The following EIF3E variants were observed in gnomAD, a reference collection of about 807,000 sequenced individuals.
EIF3E encodes eIF-3 p48.
EIF3E carries 25 observed loss-of-function variants against 59.3 expected under a neutral mutation model. The ratio of observed to expected loss-of-function variants is 0.42; its 90% confidence interval spans 0.31 to 0.59. The LOEUF (loss-of-function observed/expected upper bound fraction) is 0.59, where lower values mean the gene tolerates loss of function less well. Ranked by LOEUF, EIF3E falls within the 20% of genes least tolerant of loss-of-function variation. The probability of loss-of-function intolerance (pLI) is 0.15; values close to 1 mark genes in which losing one functional copy is unlikely to be tolerated. For missense variants in EIF3E, 317 were observed against 534.3 expected (o/e 0.59, Z 4.01); for synonymous variants, 176 against 170.2 (o/e 1.03, Z -0.26).
At chr8:108,241,647 T>C (rs986096601) in intron 2 of EIF3E, 152 bp downstream of exon 2, 5 of 437,996 alleles carry the variant, frequency 1.1e-5, no homozygotes, top group Non-Finnish European at 1.2e-5. Context: ...TTTCGGAAGA[T>C]ATGAAACCTT....
rs552836880 is a variant in EIF3E, at chr8:108,201,250, C to CATATATATATATATAT, written c.*619_*634dup. ...AATAAAAAAGGAATTAACTACTGAT[C>CATATATATATATATAT]ATATATATATATATATCTATCTCTC... On this transcript the variant is annotated 3_prime_UTR_variant, in exon 13 of 13. Coordinates refer to ENST00000220849, the MANE Select transcript of EIF3E (RefSeq NM_001568.3). 562 of 122,708 alleles carry CATATATATATATATAT rather than the reference C, an allele frequency of 4.6e-3. 26 individuals carry two copies. The highest frequency in any genetic ancestry group is 0.013 in the African/African-American group (358 of 28,372). The allele number at this position is 122,708 out of a possible 1,614,324, so 7.6% of individuals were successfully genotyped here. A position where few individuals can be genotyped will look rare whatever the true frequency, so the allele number is the denominator to read the frequency against.
At chr8:108,242,072 G>C (rs1336366967) in intron 1 of EIF3E, 159 bp from the exon 2 acceptor site, 12 of 1,391,964 alleles carry the variant, frequency 8.6e-6, no homozygotes, top group South Asian at 1.4e-5. Flanking sequence ...AAGCAATATG[G>C]CAAGCAACCA....
chr8:108,213,553 A>G (rs1815249314), intron 10 of EIF3E, among the ~76,000 whole-genome samples: 1 of 152,194 alleles, frequency 6.6e-6, no homozygotes. Context: ...GGGAAACCAA[A>G]ATACTAACAT....
Position 108,236,295 on chromosome 8 carries a change from T to C in EIF3E, c.324-92A>G, listed in dbSNP as rs1586208095. The C allele has an allele frequency of 6.9e-6, 6 of 866,640 alleles. No individual in the cohort carries two copies. In the East Asian group the frequency reaches 1.6e-4, roughly 23 times the overall value. The allele number at this position is 866,640 out of a possible 1,614,324, so 53.7% of individuals were successfully genotyped here. ...CTTCTAAGTTATTACCTACGCAAAG[T>C]CACCTTAAATAAATACTTAAATGTT... On this transcript the variant is annotated intron_variant, in intron 3 of 12. Transcript: ENST00000220849.
chr8:108,213,835 A>G (rs2129860224), intron 10 of EIF3E, among the ~76,000 whole-genome samples: 2 of 152,328 alleles, frequency 1.3e-5, no homozygotes, highest in South Asian at 4.1e-4. Context: ...CTAACTCTGG[A>G]CAACCACTTC....
chr8:108,243,284 A>G (rs1815876933), intron 1 of EIF3E: 1 of 152,314 alleles, frequency 6.6e-6, no homozygotes, highest in African/African-American at 2.4e-5. Flanking sequence ...TCATCAGACT[A>G]CAGCTTACCT....
chr8:108,215,998 TA>T (rs1244363743), intron 9 of EIF3E, among the ~76,000 whole-genome samples: 21 of 152,198 alleles, frequency 1.4e-4, no homozygotes, highest in African/African-American at 5.1e-4. Context: ...TAAGCCCATC[TA>T]TGAACCAAAA....
chr8:108,242,540 A>T (rs972334273), intron 1 of EIF3E: 58 of 1,172,426 alleles, frequency 4.9e-5, no homozygotes, highest in Non-Finnish European at 5.8e-5. Flanking sequence ...CAGCAAAAGA[A>T]AAGATTTCTG....
At chr8:108,229,961 C>T (rs1586204066) in intron 5 of EIF3E, among the ~76,000 whole-genome samples, 1 of 152,014 alleles carries the variant, frequency 6.6e-6, no homozygotes, top group South Asian at 2.1e-4. Flanking sequence ...GAGTCACAAA[C>T]TCAAAACATC....
intron 1 of EIF3E, 106 bp downstream of exon 1, chr8:108,248,507 C>A: frequency 8.9e-7 from 1 of 1,122,742 alleles, no homozygotes; most frequent in South Asian, 1.5e-5. Flanking sequence ...ACCAAACTCG[C>A]GACCGCCTCG....
intron 9 of EIF3E, among the ~76,000 whole-genome samples, 156 bp downstream of exon 9, chr8:108,216,256 G>A (rs1815302174): frequency 6.6e-6 from 1 of 152,146 alleles, no homozygotes; most frequent in Non-Finnish European, 1.5e-5. Context: ...CCATTTTAAG[G>A]TTAATAAACA....
intron 3 of EIF3E, among the ~76,000 whole-genome samples, chr8:108,236,738 C>T (rs1413866932): frequency 6.6e-6 from 1 of 152,136 alleles, no homozygotes; most frequent in Non-Finnish European, 1.5e-5. Context: ...TAAATCATGC[C>T]TGGCCGGCCG....
intron 10 of EIF3E, 31 bp from the exon 11 acceptor site, chr8:108,203,534 T>C (rs766722060): frequency 1.9e-6 from 3 of 1,587,938 alleles, no homozygotes; most frequent in African/African-American, 2.7e-5. Context: ...GCAATGTTAA[T>C]TAACTGGGCC....
At chr8:108,204,850 G>A (rs534870410) in intron 10 of EIF3E, among the ~76,000 whole-genome samples, 10 of 149,184 alleles carry the variant, frequency 6.7e-5, no homozygotes, top group African/African-American at 2.4e-4. Flanking sequence ...AGACCATGAA[G>A]ATCTTGATCT....
intron 10 of EIF3E, among the ~76,000 whole-genome samples, chr8:108,214,207 T>C (rs1355395271): frequency 6.6e-6 from 1 of 152,178 alleles, no homozygotes; most frequent in Non-Finnish European, 1.5e-5. Context: ...ACAAACTAAA[T>C]GGAAAGGATT....
intron 5 of EIF3E, chr8:108,229,418 A>T (rs536855023): frequency 8.8e-6 from 3 of 341,772 alleles, no homozygotes; most frequent in South Asian, 2.6e-4. Flanking sequence ...GAAAATAAAA[A>T]ATAACTTTTA....
At chr8:108,218,469 G>A (rs180947299) in intron 7 of EIF3E, among the ~76,000 whole-genome samples, 56 of 152,156 alleles carry the variant, frequency 3.7e-4, no homozygotes, top group Middle Eastern at 3.4e-3. Context: ...CTCTTTAGAG[G>A]ACCCTAGAAT....
intron 1 of EIF3E, 45 bp downstream of exon 1, chr8:108,248,568 C>T (rs1417636279): frequency 1.2e-6 from 2 of 1,600,658 alleles, no homozygotes; most frequent in Non-Finnish European, 1.7e-6. Flanking sequence ...TTGCTCAGCA[C>T]CTCATCCGCC....
rs145406709 is a variant in EIF3E, at chr8:108,242,973, C to G, written c.91-1060G>C. On this transcript the variant is annotated intron_variant, in intron 1 of 12. Coordinates refer to ENST00000220849, the MANE Select transcript of EIF3E (RefSeq NM_001568.3). ...CCCAAAGCCAAACATACTTTTTGATCCAGCAATTGTTTCGAGGCATCCAAA... is the reference window on the plus strand; with the variant it reads ...CCCAAAGCCAAACATACTTTTTGATGCAGCAATTGTTTCGAGGCATCCAAA... 952 of 153,096 alleles carry G rather than the reference C, an allele frequency of 6.2e-3. 5 individuals carry two copies. Among genetic ancestry groups the G allele is most frequent in the South Asian group, 0.022 (106 of 4,866 alleles). The allele number at this position is 153,096 out of a possible 1,614,324, so 9.5% of individuals were successfully genotyped here. A position where few individuals can be genotyped will look rare whatever the true frequency, so the allele number is the denominator to read the frequency against.
Sources: gnomAD v4.1 joint callset for allele counts (sites outside exome capture counted in the v4.1 genomes callset) on GRCh38, gnomAD v4.1.1 for gene constraint, MANE v1.5 for transcripts, NCBI Gene and HGNC (gene_info 2026-07-23, HGNC 2026-07-21) for gene names.